ESR1: variants seen among roughly 807,000 people sequenced by gnomAD.
ESR1 encodes the protein estrogen receptor.
ESR1 carries 12 observed loss-of-function variants against 52.7 expected under a neutral mutation model. That is an observed-to-expected ratio of 0.23 (90% CI 0.15 to 0.37). The LOEUF is 0.37. Ranked by LOEUF, ESR1 falls within the 10% of genes least tolerant of loss-of-function variation. ESR1 has a pLI of 1.00. For missense variants in ESR1, 584 were observed against 779.7 expected (o/e 0.75, Z 2.99); for synonymous variants, 305 against 316.8 (o/e 0.96, Z 0.39).
At chr6:151,850,706 CCTCCGG>C (rs1786517083) in intron 2 of ESR1, among the ~76,000 whole-genome samples, 1 of 152,060 alleles carries the variant, frequency 6.6e-6, no homozygotes, top group South Asian at 2.1e-4. Context: ...CTTGCCACTC[CCTCCGG>C]CATCCGTACT....
At chr6:152,011,612 T>C (rs1396052961) in intron 4 of ESR1, 44 bp from the exon 5 acceptor site, 1 of 1,611,958 alleles carries the variant, frequency 6.2e-7, no homozygotes, top group African/African-American at 1.3e-5. Flanking sequence ...CAGTAATGAG[T>C]CTTTTTCATT....
chr6:151,803,487 T>C (rs1200938694), upstream of ESR1, among the ~76,000 whole-genome samples: 18 of 152,206 alleles, frequency 1.2e-4, no homozygotes, highest in Non-Finnish European at 1.8e-4. Flanking sequence ...TCGGAGGAGA[T>C]GGACTAGGAA....
intron 2 of ESR1, among the ~76,000 whole-genome samples, chr6:151,856,662 T>C (rs971439928): frequency 9.2e-5 from 14 of 152,208 alleles, no homozygotes; most frequent in African/African-American, 3.4e-4. Flanking sequence ...TTGGTACTAT[T>C]GATGCACTTG....
intron 2 of ESR1, among the ~76,000 whole-genome samples, chr6:151,844,696 T>C (rs762045709): frequency 6.6e-5 from 10 of 152,238 alleles, no homozygotes; most frequent in Non-Finnish European, 2.9e-5. Context: ...TTATCTGATC[T>C]AAATACCTTT....
intron 2 of ESR1, among the ~76,000 whole-genome samples, chr6:151,779,972 T>C (rs1247547340): frequency 6.7e-6 from 1 of 148,360 alleles, no homozygotes; most frequent in African/African-American, 2.5e-5. Flanking sequence ...TAAAAAAGAA[T>C]GAGTTTATGT....
chr6:152,045,558 A>G (rs182769538), intron 5 of ESR1, among the ~76,000 whole-genome samples: 7 of 152,250 alleles, frequency 4.6e-5, no homozygotes, highest in African/African-American at 1.4e-4. Flanking sequence ...CTAGTCACAT[A>G]ATCTCTGTGG....
intron 2 of ESR1, among the ~76,000 whole-genome samples, chr6:151,858,207 A>G (rs985706007): frequency 6.6e-6 from 1 of 152,222 alleles, no homozygotes; most frequent in Non-Finnish European, 1.5e-5. Flanking sequence ...GCTGAGGCCA[A>G]TACAATATTA....
chr6:151,884,196 G>T (rs1302760060), intron 3 of ESR1, among the ~76,000 whole-genome samples: 1 of 152,140 alleles, frequency 6.6e-6, no homozygotes, highest in Non-Finnish European at 1.5e-5. Flanking sequence ...TTAATGATAT[G>T]TATAAAGTAC....
intron 4 of ESR1, among the ~76,000 whole-genome samples, chr6:151,985,754 G>A (rs180799718): frequency 1.5e-3 from 235 of 151,988 alleles, no homozygotes; most frequent in African/African-American, 5.4e-3. Context: ...TGCAACCTCC[G>A]CCTCCTGCGT....
At chr6:151,834,136 G>A (rs1406625590) in intron 1 of ESR1, among the ~76,000 whole-genome samples, 4 of 152,198 alleles carry the variant, frequency 2.6e-5, no homozygotes, top group Non-Finnish European at 5.9e-5. Context: ...GGAAGACAGT[G>A]TGATGATCCC....
At chr6:151,948,613 C>T (rs1245170660) in intron 4 of ESR1, among the ~76,000 whole-genome samples, 2 of 152,120 alleles carry the variant, frequency 1.3e-5, no homozygotes, top group African/African-American at 4.8e-5. Context: ...CCTTTCCTGC[C>T]GAGTCCCCCT....
rs553500405 is a variant in ESR1, at chr6:151,704,244, G to T, written c.-71+2239G>T. Among the ~76,000 whole-genome samples, 203 of 151,806 alleles carry T rather than the reference G, an allele frequency of 1.3e-3. 2 individuals carry two copies. Among genetic ancestry groups the T allele is most frequent in the African/African-American group, 4.8e-3 (198 of 41,442 alleles). ...ACAAAGTCGATTCTTTTTTTGTTTT[G>T]TTTTATTTGAGACTGAGTCTCACTC... is the stretch of plus-strand genomic sequence containing the variant. On this transcript the variant is annotated intron_variant, in intron 2 of 2. Transcript: ENST00000404742.
chr6:151,937,376 C>A (rs1413038769), intron 3 of ESR1, among the ~76,000 whole-genome samples: 1 of 152,078 alleles, frequency 6.6e-6, no homozygotes, highest in Non-Finnish European at 1.5e-5. Flanking sequence ...CTGCTGACGG[C>A]TAAGGCAGTC....
intron 3 of ESR1, among the ~76,000 whole-genome samples, chr6:151,924,803 A>C (rs9383949): frequency 0.77 from 117,429 of 152,022 alleles, 45,830 homozygotes; most frequent in African/African-American, 0.85. Flanking sequence ...TTAATGGCTG[A>C]ATAGTATTCC....
chr6:151,980,543 A>G (rs937559420), intron 4 of ESR1, among the ~76,000 whole-genome samples: 2 of 152,202 alleles, frequency 1.3e-5, no homozygotes, highest in African/African-American at 4.8e-5. Context: ...TGACAAAAAG[A>G]TACACGACTC....
chr6:152,127,549 T>C (rs937118420), exon 7 of ESR1: 2 of 152,194 alleles, frequency 1.3e-5, no homozygotes, highest in Non-Finnish European at 2.9e-5. Context: ...GATTTATTAA[T>C]AGTGCTTTCA....
chr6:151,847,808 C>G (rs1394962647), intron 2 of ESR1, among the ~76,000 whole-genome samples: 5 of 146,012 alleles, frequency 3.4e-5, no homozygotes, highest in Non-Finnish European at 7.5e-5. Flanking sequence ...GACATGAAGT[C>G]CTTGCCCACG....
intron 4 of ESR1, among the ~76,000 whole-genome samples, chr6:152,004,775 A>C: frequency 6.6e-6 from 1 of 152,036 alleles, no homozygotes; most frequent in East Asian, 1.9e-4. Flanking sequence ...ATCAGATTGC[A>C]TAGTCAAAGT....
At chr6:151,678,812 G>A (rs956703231) in intron 1 of ESR1, among the ~76,000 whole-genome samples, 3 of 151,536 alleles carry the variant, frequency 2.0e-5, no homozygotes, top group Admixed American at 2.0e-4. Flanking sequence ...TCAGCCTCCA[G>A]AGCAGCTGGG....
Sources: gnomAD v4.1 joint callset for allele counts (sites outside exome capture counted in the v4.1 genomes callset) on GRCh38, gnomAD v4.1.1 for gene constraint, MANE v1.5 for transcripts, NCBI Gene and HGNC (gene_info 2026-07-23, HGNC 2026-07-21) for gene names.